The following TBXAS1 variants were observed in gnomAD, a reference collection of about 807,000 sequenced individuals.
TBXAS1 encodes thromboxane-A synthase.
In TBXAS1, 48 loss-of-function variants were observed where a neutral mutation model predicts 60.7. That is an observed-to-expected ratio of 0.79 (90% CI 0.63 to 1.01). The LOEUF (loss-of-function observed/expected upper bound fraction) is 1.01. Among genes scored for constraint, TBXAS1 ranks in the 50% least tolerant of loss-of-function variants. The pLI is 0.00. For missense variants in TBXAS1, 685 were observed against 686.3 expected (o/e 1.00, Z 0.02); for synonymous variants, 287 against 269.7 (o/e 1.06, Z -0.63).
intron 3 of TBXAS1, among the ~76,000 whole-genome samples, chr7:139,886,987 G>T (rs1256628230): frequency 6.6e-6 from 1 of 152,132 alleles, no homozygotes; most frequent in Non-Finnish European, 1.5e-5. Flanking sequence ...TCTCCAATCT[G>T]GAATGGACAC....
intron 3 of TBXAS1, among the ~76,000 whole-genome samples, chr7:139,910,164 C>T (rs1805405838): frequency 6.6e-6 from 1 of 152,170 alleles, no homozygotes; most frequent in Non-Finnish European, 1.5e-5. Flanking sequence ...CTAATTGTCT[C>T]TCCTGTCAGA....
chr7:139,840,969 C>T (rs56317504), intron 1 of TBXAS1, among the ~76,000 whole-genome samples: 16,214 of 152,238 alleles, frequency 0.11, 964 homozygotes, highest in Non-Finnish European at 0.14. Context: ...CTTCTATGCC[C>T]ACTGGCGCTC....
At chr7:139,832,995 A>C (rs1221444156) in intron 1 of TBXAS1, among the ~76,000 whole-genome samples, 2 of 152,230 alleles carry the variant, frequency 1.3e-5, no homozygotes, top group Non-Finnish European at 2.9e-5. Flanking sequence ...AAACACATCA[A>C]AACAGAACCT....
intron 1 of TBXAS1, among the ~76,000 whole-genome samples, chr7:139,835,177 C>T (rs1798979308): frequency 6.6e-6 from 1 of 151,692 alleles, no homozygotes; most frequent in Admixed American, 6.6e-5. Context: ...TGCCATTCTC[C>T]TGCCTCAGCC....
In TBXAS1 at chr7:139,962,029, G is replaced by A; in HGVS notation, c.930G>A (p.Lys310=). The A allele has an allele frequency of 6.2e-7, 1 of 1,614,248 alleles. No homozygotes were observed. Among genetic ancestry groups the A allele is most frequent in the Non-Finnish European group, 8.5e-7 (1 of 1,180,046 alleles). ...VRDVFSSTGC[K]PNPSRQHQPS... ...ACGTTTTCTCCTCTACTGGGTGCAA[G>A]CCGAACCCTTCCCGGCAACACCAGC... The change falls in exon 9 of 13, where the codon AAG becomes AAA. Residue 310 remains lysine, a synonymous_variant. Coordinates refer to ENST00000448866, the MANE Select transcript of TBXAS1 (RefSeq NM_001061.7).
chr7:139,818,270 G>C (rs1294668812), intron 4 of TBXAS1, among the ~76,000 whole-genome samples: 1 of 152,164 alleles, frequency 6.6e-6, no homozygotes, highest in Non-Finnish European at 1.5e-5. Flanking sequence ...TGAAGGTATA[G>C]GATGGCACAG....
intron 3 of TBXAS1, among the ~76,000 whole-genome samples, chr7:139,784,373 C>A (rs1797115725): frequency 6.6e-6 from 1 of 152,090 alleles, no homozygotes; most frequent in Non-Finnish European, 1.5e-5. Context: ...AGGGAATAAG[C>A]CATAGCCCTG....
intron 9 of TBXAS1, among the ~76,000 whole-genome samples, chr7:139,997,733 C>G (rs1280129967): frequency 6.6e-6 from 1 of 152,162 alleles, no homozygotes; most frequent in Non-Finnish European, 1.5e-5. Flanking sequence ...ATAGAAGAAA[C>G]TAGGATGTCA....
rs1485319541 is a variant in TBXAS1, at chr7:139,778,673, C to CG, written c.-318+203dup. On this transcript the variant is annotated intron_variant, in intron 1 of 16. Coordinates refer to the TBXAS1 transcript ENST00000336425. The surrounding 1 kb of genome is among the most constrained non-coding windows in gnomAD (Gnocchi z 4.8). The stretch of plus-strand genomic sequence containing the variant: ...CACGCCACCCTGATCTTCTCCTCCT[C>CG]GCGTCTACACTGTCCCGAGGGCCGC... Among the ~76,000 whole-genome samples the CG allele has an allele frequency of 2.6e-5, 4 of 151,724 alleles. No individual in the cohort carries two copies. Among genetic ancestry groups the CG allele is most frequent in the African/African-American group, 9.7e-5 (4 of 41,258 alleles).
intron 9 of TBXAS1, among the ~76,000 whole-genome samples, chr7:139,972,085 C>T (rs1443265130): frequency 2.0e-5 from 3 of 152,110 alleles, no homozygotes; most frequent in Admixed American, 1.3e-4. Context: ...TTCTGGGCTG[C>T]CTGGCTTCAT....
intron 11 of TBXAS1, among the ~76,000 whole-genome samples, chr7:140,017,127 T>C (rs1360191240): frequency 1.3e-5 from 2 of 152,196 alleles, no homozygotes; most frequent in Non-Finnish European, 2.9e-5. Context: ...AAGTGTCCAG[T>C]GCAGGGGCCT....
intron 1 of TBXAS1, among the ~76,000 whole-genome samples, chr7:139,842,229 G>A (rs564908813): frequency 6.6e-6 from 1 of 152,220 alleles, no homozygotes; most frequent in African/African-American, 2.4e-5. Context: ...CAGGCTTCTG[G>A]TAGCATCTGT....
intron 1 of TBXAS1, among the ~76,000 whole-genome samples, chr7:139,840,766 C>T (rs1799381666): frequency 6.6e-6 from 1 of 152,184 alleles, no homozygotes; most frequent in Non-Finnish European, 1.5e-5. Flanking sequence ...AGGGCCCATG[C>T]GTAGGGGTGG....
chr7:139,807,389 AT>A (rs377132098), intron 4 of TBXAS1, among the ~76,000 whole-genome samples: 14,489 of 142,892 alleles, frequency 0.1, 872 homozygotes, highest in Non-Finnish European at 0.15. Flanking sequence ...CACCTAGTTA[AT>A]TTTTTTTTTT....
intron 9 of TBXAS1, among the ~76,000 whole-genome samples, chr7:139,983,458 T>C (rs1364224891): frequency 1.3e-5 from 2 of 152,244 alleles, no homozygotes; most frequent in Admixed American, 6.5e-5. Context: ...TAAGTGTTTT[T>C]CTCAGGGTCA....
Position 139,946,022 on chromosome 7 carries a change from C to T in TBXAS1, c.451-7346C>T, listed in dbSNP as rs545591912. ...CTACAAATGTTTCAGCAAAGCATTA[C>T]TGAAATAACAAGTATTTTTGGAAGA... On this transcript the variant is annotated intron_variant, in intron 5 of 12. Transcript: ENST00000448866. Among the ~76,000 whole-genome samples, 8 of 152,282 alleles carry T rather than the reference C, an allele frequency of 5.3e-5. No individual in the cohort carries two copies. In the South Asian group the frequency reaches 1.5e-3, roughly 28 times the overall value.
At chr7:139,850,108 C>T (rs138466792) in intron 1 of TBXAS1, among the ~76,000 whole-genome samples, 1 of 152,320 alleles carries the variant, frequency 6.6e-6, no homozygotes, top group African/African-American at 2.4e-5. Context: ...AGGGCTATTA[C>T]ACATCGTGAA....
At chr7:140,019,949 T>G in intron 12 of TBXAS1, 76 bp from the exon 13 acceptor site, 2 of 1,452,678 alleles carry the variant, frequency 1.4e-6, no homozygotes, top group Non-Finnish European at 1.9e-6. Context: ...TTGGCCTTCT[T>G]GAACCTCCAA....
chr7:139,792,813 G>C (rs940656447), intron 4 of TBXAS1, among the ~76,000 whole-genome samples: 1 of 152,206 alleles, frequency 6.6e-6, no homozygotes, highest in Non-Finnish European at 1.5e-5. Flanking sequence ...TCCTCCAAAA[G>C]AGATATCCTG....
Sources: gnomAD v4.1 joint callset for allele counts (sites outside exome capture counted in the v4.1 genomes callset) on GRCh38, gnomAD v4.1.1 for gene constraint, Gnocchi (gnomAD v3.1) non-coding constraint, MANE v1.5 for transcripts, NCBI Gene and HGNC (gene_info 2026-07-23, HGNC 2026-07-21) for gene names.